The following RBFOX1 variants were observed in gnomAD, a reference collection of about 807,000 sequenced individuals.
RBFOX1 encodes the protein RNA binding protein fox-1 homolog 1.
Under a neutral mutation model 57.7 loss-of-function variants are expected in RBFOX1, and 8 were observed. The observed-to-expected ratio is 0.14, with a 90% CI of 0.08 to 0.25. RBFOX1 has a LOEUF of 0.25. Among genes scored for constraint, RBFOX1 ranks in the 10% least tolerant of loss-of-function variants. The probability of loss-of-function intolerance (pLI) is 1.00; values close to 1 mark genes in which losing one functional copy is unlikely to be tolerated. For synonymous variants in RBFOX1, 326 were observed against 222.4 expected (o/e 1.47, Z -4.15); for missense variants, 611 against 548.5 (o/e 1.11, Z -1.14).
chr16:6,075,766 A>G (rs1323648617), intron 1 of RBFOX1, among the ~76,000 whole-genome samples: 1 of 152,218 alleles, frequency 6.6e-6, no homozygotes, highest in Non-Finnish European at 1.5e-5. Context: ...GGGAACTTCT[A>G]ATCGGTCTCC....
At chr16:5,423,579 C>T (rs2067420971) in intron 1 of RBFOX1, among the ~76,000 whole-genome samples, 1 of 152,132 alleles carries the variant, frequency 6.6e-6, no homozygotes, top group Non-Finnish European at 1.5e-5. Context: ...GAGGCCATTG[C>T]TGCGTGTCTG....
intron 3 of RBFOX1, among the ~76,000 whole-genome samples, chr16:5,635,912 C>G (rs4592661): frequency 0.38 from 57,270 of 152,152 alleles, 13,830 homozygotes; most frequent in African/African-American, 0.69. Context: ...GGGGTGATAT[C>G]AAAACTATTT....
chr16:6,431,896 GCTTTCTTT>G (rs869041704), intron 2 of RBFOX1, among the ~76,000 whole-genome samples: 13,260 of 127,234 alleles, frequency 0.1, 735 homozygotes, highest in Non-Finnish European at 0.12. Flanking sequence ...TTGCTTGCTT[GCTTTCTTT>G]CTTTCTTTCT....
At chr16:6,253,643 T>G (rs1029315598) in intron 1 of RBFOX1, among the ~76,000 whole-genome samples, 5 of 150,890 alleles carry the variant, frequency 3.3e-5, no homozygotes, top group African/African-American at 1.2e-4. Context: ...AGATAGATAA[T>G]AGTTAAAAGA....
At chr16:6,000,920 T>G (rs2060588355) in intron 4 of RBFOX1, among the ~76,000 whole-genome samples, 1 of 136,768 alleles carries the variant, frequency 7.3e-6, no homozygotes, top group East Asian at 2.2e-4. Context: ...CGGGTAGGTA[T>G]TTAGATGGAT....
chr16:5,679,937 G>C (rs1345549104), intron 3 of RBFOX1, among the ~76,000 whole-genome samples: 1 of 152,190 alleles, frequency 6.6e-6, no homozygotes, highest in Non-Finnish European at 1.5e-5. Flanking sequence ...CATGCTTCCT[G>C]TCATTGCTCT....
intron 3 of RBFOX1, among the ~76,000 whole-genome samples, chr16:6,942,681 G>C (rs770449840): frequency 1.3e-5 from 2 of 152,154 alleles, no homozygotes; most frequent in African/African-American, 4.8e-5. Flanking sequence ...GTCTGACTTG[G>C]ATGTGAACTT....
intron 4 of RBFOX1, among the ~76,000 whole-genome samples, chr16:7,464,475 G>C (rs1290696205): frequency 6.6e-6 from 1 of 151,914 alleles, no homozygotes; most frequent in Non-Finnish European, 1.5e-5. Context: ...AAGTCATTAT[G>C]GCAGAATGGG....
At chr16:7,597,299 T>C (rs1477208506) in intron 8 of RBFOX1, 72 bp from the exon 9 acceptor site, 3 of 1,121,748 alleles carry the variant, frequency 2.7e-6, no homozygotes, top group East Asian at 2.5e-5. Context: ...ATCACGGTCA[T>C]AATGCATGCA....
chr16:5,667,113 G>A (rs61225448), intron 3 of RBFOX1, among the ~76,000 whole-genome samples: 9,140 of 152,216 alleles, frequency 0.06, 670 homozygotes, highest in East Asian at 0.19. Context: ...ATAAAGTAAA[G>A]TCGTTTGTCT....
chr16:6,928,019 A>G (rs936639670), intron 3 of RBFOX1, among the ~76,000 whole-genome samples: 1 of 152,076 alleles, frequency 6.6e-6, no homozygotes, highest in Non-Finnish European at 1.5e-5. Flanking sequence ...CACCCCCAGC[A>G]CCCACCCCTC....
chr16:5,538,842 G>A (rs2044812485), intron 2 of RBFOX1, among the ~76,000 whole-genome samples: 1 of 152,074 alleles, frequency 6.6e-6, no homozygotes, highest in African/African-American at 2.4e-5. Context: ...TAGCCATGAT[G>A]TTCTCGATCT....
At chr16:6,807,290 G>C (rs967444274) in intron 3 of RBFOX1, among the ~76,000 whole-genome samples, 15 of 152,212 alleles carry the variant, frequency 9.9e-5, no homozygotes, top group African/African-American at 3.4e-4. Context: ...CTAAACAGCA[G>C]ATTCAAGAGT....
intron 4 of RBFOX1, among the ~76,000 whole-genome samples, chr16:5,903,025 C>T (rs1302314426): frequency 6.6e-6 from 1 of 152,146 alleles, no homozygotes; most frequent in Non-Finnish European, 1.5e-5. Flanking sequence ...TTCCAGCCTC[C>T]CATGGTTAGG....
intron 2 of RBFOX1, among the ~76,000 whole-genome samples, chr16:6,540,541 GGCCGAGGTTGCAGTGA>G (rs1329721827): frequency 6.6e-6 from 1 of 150,608 alleles, no homozygotes; most frequent in African/African-American, 2.5e-5. Flanking sequence ...GAACCTGGGA[GGCCGAGGTTGCAGTGA>G]GCCGAGATTG....
intron 4 of RBFOX1, among the ~76,000 whole-genome samples, chr16:7,309,923 C>G (rs948821032): frequency 6.6e-6 from 1 of 152,204 alleles, no homozygotes; most frequent in Admixed American, 6.5e-5. Flanking sequence ...TCCCAATGTT[C>G]TGTTTAATTC....
intron 2 of RBFOX1, among the ~76,000 whole-genome samples, chr16:5,488,799 A>T (rs555717987): frequency 1.5e-5 from 2 of 132,138 alleles, no homozygotes; most frequent in African/African-American, 5.7e-5. Flanking sequence ...GTGATGGAAG[A>T]TTAACAGTGA....
intron 4 of RBFOX1, among the ~76,000 whole-genome samples, chr16:7,416,777 G>A (rs1306381256): frequency 6.6e-6 from 1 of 151,972 alleles, no homozygotes; most frequent in Non-Finnish European, 1.5e-5. Context: ...GAATAATAAT[G>A]ACAATGACGA....
chr16:6,143,562 A>T (rs545235164), intron 1 of RBFOX1, among the ~76,000 whole-genome samples: 1 of 152,270 alleles, frequency 6.6e-6, no homozygotes, highest in South Asian at 2.1e-4. Flanking sequence ...TAGCTAAAGG[A>T]CACTTACCAT....
Sources: allele counts gnomAD v4.1 joint callset (sites outside exome capture counted in the v4.1 genomes callset), GRCh38; gene constraint gnomAD v4.1.1; transcripts MANE v1.5; gene names NCBI Gene and HGNC (gene_info 2026-07-23, HGNC 2026-07-21).